Variants in CTDSPL observed in about 807,000 individuals in gnomAD.
CTDSPL encodes CTD small phosphatase-like protein.
In CTDSPL, 8 loss-of-function variants were observed where a neutral mutation model predicts 30.5. That is an observed-to-expected ratio of 0.26 (90% CI 0.15 to 0.47). The LOEUF (loss-of-function observed/expected upper bound fraction) is 0.47, where lower values mean the gene tolerates loss of function less well. Ranked by LOEUF, CTDSPL falls within the 20% of genes least tolerant of loss-of-function variation. The pLI is 0.99. For missense variants in CTDSPL, 248 were observed against 366.1 expected (o/e 0.68, Z 2.63); for synonymous variants, 110 against 137.9 (o/e 0.80, Z 1.42).
chr3:37,962,860 T>A (rs945256051), intron 3 of CTDSPL, among the ~76,000 whole-genome samples: 11 of 152,220 alleles, frequency 7.2e-5, no homozygotes, highest in Admixed American at 6.5e-5. Context: ...TAATAAAAAT[T>A]CAAACAAATT....
intron 1 of CTDSPL, among the ~76,000 whole-genome samples, chr3:37,934,181 G>A (rs1242221106): frequency 6.6e-6 from 1 of 151,974 alleles, no homozygotes. Flanking sequence ...CAAAATATTA[G>A]CCAGGAACAG....
chr3:37,919,204 A>C (rs1168771128), intron 1 of CTDSPL, among the ~76,000 whole-genome samples: 1 of 152,136 alleles, frequency 6.6e-6, no homozygotes, highest in African/African-American at 2.4e-5. Flanking sequence ...TGATATTTTA[A>C]AGTTTGGAAA....
intron 1 of CTDSPL, among the ~76,000 whole-genome samples, chr3:37,938,136 A>C (rs1293558027): frequency 6.7e-6 from 1 of 150,116 alleles, no homozygotes; most frequent in African/African-American, 2.4e-5. Flanking sequence ...TCTTGTCCTG[A>C]ACTCCTTTGA....
At chr3:37,896,431 A>G (rs73056992) in intron 1 of CTDSPL, among the ~76,000 whole-genome samples, 8,460 of 152,270 alleles carry the variant, frequency 0.056, 294 homozygotes, top group African/African-American at 0.1. Flanking sequence ...GAAAGGTAGG[A>G]CCAGGGCCTT....
intron 1 of CTDSPL, among the ~76,000 whole-genome samples, chr3:37,916,500 T>A (rs967612006): frequency 6.6e-6 from 1 of 152,154 alleles, no homozygotes; most frequent in Admixed American, 6.5e-5. Flanking sequence ...TAATCCAGTA[T>A]GACTGCTGCC....
intron 6 of CTDSPL, among the ~76,000 whole-genome samples, chr3:37,973,036 T>C (rs1424323393): frequency 6.6e-6 from 1 of 152,190 alleles, no homozygotes; most frequent in Non-Finnish European, 1.5e-5. Flanking sequence ...ATCTCTGTGA[T>C]GATTGAGGGG....
At chr3:37,947,512 A>G (rs1402487499) in intron 2 of CTDSPL, among the ~76,000 whole-genome samples, 1 of 152,184 alleles carries the variant, frequency 6.6e-6, no homozygotes, top group Non-Finnish European at 1.5e-5. Context: ...GTGAGCCAAG[A>G]TCCCGCCATT....
intron 4 of CTDSPL, 41 bp from the exon 5 acceptor site, chr3:37,967,785 G>A (rs185027748): frequency 7.0e-7 from 1 of 1,429,464 alleles, no homozygotes; most frequent in Non-Finnish European, 9.6e-7. Context: ...GAGTTTTTTT[G>A]TTCCTTCAGA....
chr3:37,881,196 A>G (rs1201823844), intron 1 of CTDSPL, among the ~76,000 whole-genome samples: 3 of 152,094 alleles, frequency 2.0e-5, no homozygotes, highest in Non-Finnish European at 4.4e-5. Flanking sequence ...CTCTTTAGGT[A>G]TATACTCTTT....
intron 1 of CTDSPL, among the ~76,000 whole-genome samples, chr3:37,886,498 A>C (rs1698265090): frequency 6.6e-6 from 1 of 152,090 alleles, no homozygotes. Context: ...CACCCCTTTT[A>C]GGATTTACAT....
chr3:37,864,810 A>G lies in CTDSPL; in HGVS notation c.79+2532A>G, dbSNP rs1697990935. Among the ~76,000 whole-genome samples, 3 of 152,098 alleles carry G rather than the reference A, an allele frequency of 2.0e-5. No homozygotes were observed. The South Asian group carries it at 6.2e-4, about 32-fold the overall frequency. On this transcript the variant is annotated intron_variant, in intron 1 of 7. Transcript: ENST00000273179. ...GAGATAATTATTTTGTTTTAAAAAT[A>G]TTGGGCCTGGAATATTTTAAATATT...
At chr3:37,920,465 T>C (rs1383468353) in intron 1 of CTDSPL, among the ~76,000 whole-genome samples, 1 of 152,212 alleles carries the variant, frequency 6.6e-6, no homozygotes, top group Non-Finnish European at 1.5e-5. Flanking sequence ...TTGGTAGTTC[T>C]GTAGCTTTAC....
At chr3:37,881,570 A>C (rs780320770) in intron 1 of CTDSPL, among the ~76,000 whole-genome samples, 8 of 152,168 alleles carry the variant, frequency 5.3e-5, no homozygotes, top group Non-Finnish European at 7.4e-5. Context: ...AAATTGATAC[A>C]TGTTCAAATA....
At chr3:37,902,503 C>T (rs1178230486) in intron 1 of CTDSPL, among the ~76,000 whole-genome samples, 1 of 152,138 alleles carries the variant, frequency 6.6e-6, no homozygotes, top group Admixed American at 6.5e-5. Flanking sequence ...TGCCAGGAGT[C>T]TTCCTAGGTA....
intron 3 of CTDSPL, among the ~76,000 whole-genome samples, chr3:37,960,504 AAATATATATATATAT>A (rs1699227929): frequency 4.0e-5 from 2 of 49,496 alleles, no homozygotes; most frequent in Non-Finnish European, 3.6e-5. Context: ...AAAAAAAAAA[AAATATATATATATAT>A]ATATATATAT....
chr3:37,955,640 C>G (rs560477785), intron 2 of CTDSPL, among the ~76,000 whole-genome samples: 1 of 152,226 alleles, frequency 6.6e-6, no homozygotes, highest in African/African-American at 2.4e-5. Context: ...GAGCTAAACA[C>G]TGAATACTCA....
chr3:37,885,355 G>T (rs1698251360), intron 1 of CTDSPL, among the ~76,000 whole-genome samples: 1 of 152,198 alleles, frequency 6.6e-6, no homozygotes, highest in African/African-American at 2.4e-5. Context: ...TCAGAGGGTT[G>T]TGTTGCTGGA....
chr3:37,982,664 C>T lies in CTDSPL; in HGVS notation c.*1797C>T, dbSNP rs1160323711. 7 of 456,550 alleles carry T rather than the reference C, an allele frequency of 1.5e-5. No individual in the cohort carries two copies. Among genetic ancestry groups the T allele is most frequent in the Non-Finnish European group, 2.6e-5 (6 of 226,962 alleles). 28.3% of individuals were successfully genotyped at this position (456,550 alleles called of 1,614,324 possible). ...GGGAAGTAAGTATTCAGGGGGTAAA[C>T]AGGTCTCCCAGCATTCTGAGTGTTC... On this transcript the variant is annotated 3_prime_UTR_variant, in exon 8 of 8. Coordinates refer to ENST00000273179, the MANE Select transcript of CTDSPL (RefSeq NM_001008392.2).
intron 1 of CTDSPL, among the ~76,000 whole-genome samples, chr3:37,867,935 G>GA (rs1184177026): frequency 6.6e-6 from 1 of 152,050 alleles, no homozygotes; most frequent in Non-Finnish European, 1.5e-5. Context: ...CACCACAAAG[G>GA]AACTCCTTTG....
Sources: allele counts gnomAD v4.1 joint callset (sites outside exome capture counted in the v4.1 genomes callset), GRCh38; gene constraint gnomAD v4.1.1; transcripts MANE v1.5; gene names NCBI Gene and HGNC (gene_info 2026-07-23, HGNC 2026-07-21).